The following ST3GAL2 variants were observed in gnomAD, a reference collection of about 807,000 sequenced individuals.
The protein encoded by ST3GAL2 is CMP-N-acetylneuraminate-beta-galactosamide-alpha-2,3-sialyltransferase 2.
Under a neutral mutation model 37.5 loss-of-function variants are expected in ST3GAL2, and 16 were observed. That is an observed-to-expected ratio of 0.43 (90% CI 0.29 to 0.65). The LOEUF (loss-of-function observed/expected upper bound fraction) is 0.65, where lower values mean the gene tolerates loss of function less well. ST3GAL2 is among the 30% of genes least tolerant of loss of function. ST3GAL2 has a pLI of 0.17. For missense variants in ST3GAL2, 383 were observed against 487.8 expected (o/e 0.79, Z 2.02); for synonymous variants, 238 against 202.9 (o/e 1.17, Z -1.47).
intron 3 of ST3GAL2, among the ~76,000 whole-genome samples, chr16:70,390,810 G>A (rs1337427552): frequency 6.6e-6 from 1 of 152,144 alleles, no homozygotes; most frequent in African/African-American, 2.4e-5. Context: ...CCCCTTTTTA[G>A]TATGCATCTT....
chr16:70,407,505 A>T (rs777850050), intron 1 of ST3GAL2, among the ~76,000 whole-genome samples: 1 of 152,170 alleles, frequency 6.6e-6, no homozygotes, highest in Non-Finnish European at 1.5e-5. Context: ...TTATCAATAA[A>T]TGTCCCCTGA....
chr16:70,384,289 A>G (rs2047426411), intron 4 of ST3GAL2, among the ~76,000 whole-genome samples: 1 of 152,256 alleles, frequency 6.6e-6, no homozygotes, highest in South Asian at 2.1e-4. Flanking sequence ...GCCTTTAAAA[A>G]AAACACAGGA....
intron 3 of ST3GAL2, chr16:70,393,641 T>G (rs904355683): frequency 6.6e-6 from 1 of 152,222 alleles, no homozygotes; most frequent in African/African-American, 2.4e-5. Flanking sequence ...GAGAGGCCCC[T>G]CTAAGACCAG....
intron 6 of ST3GAL2, among the ~76,000 whole-genome samples, chr16:70,382,602 A>C (rs1364494625): frequency 1.3e-5 from 2 of 152,104 alleles, no homozygotes; most frequent in African/African-American, 4.8e-5. Flanking sequence ...TTTAATGAAG[A>C]GATTTTGGAT....
At chr16:70,386,255 T>A (rs1021714040) in intron 4 of ST3GAL2, among the ~76,000 whole-genome samples, 2 of 151,908 alleles carry the variant, frequency 1.3e-5, no homozygotes, top group Non-Finnish European at 2.9e-5. Context: ...TGGCGCGATC[T>A]CGGCTCACTG....
At chr16:70,434,438 A>C (rs1040912255) in intron 1 of ST3GAL2, among the ~76,000 whole-genome samples, 1 of 152,122 alleles carries the variant, frequency 6.6e-6, no homozygotes, top group Non-Finnish European at 1.5e-5. Context: ...TCCATCTCAA[A>C]AACAAAAAAA....
At chr16:70,389,233 A>AAAAAAAAT (rs2047465348) in intron 3 of ST3GAL2, among the ~76,000 whole-genome samples, 1 of 141,762 alleles carries the variant, frequency 7.1e-6, no homozygotes, top group Non-Finnish European at 1.5e-5. Flanking sequence ...AAAAAAAAAA[A>AAAAAAAAT]AAAAAAAAAA....
chr16:70,418,983 C>T (rs1242632495), intron 1 of ST3GAL2, among the ~76,000 whole-genome samples: 2 of 152,150 alleles, frequency 1.3e-5, no homozygotes, highest in African/African-American at 2.4e-5. Context: ...AAATGCTCTC[C>T]TAAAGGGCCC....
intron 1 of ST3GAL2, among the ~76,000 whole-genome samples, chr16:70,435,803 A>G (rs892802962): frequency 6.7e-6 from 1 of 149,484 alleles, no homozygotes; most frequent in Non-Finnish European, 1.5e-5. Context: ...TCAAAATAAA[A>G]TAAAATAAAA....
intron 1 of ST3GAL2, among the ~76,000 whole-genome samples, chr16:70,405,282 C>T (rs1312611990): frequency 1.3e-5 from 2 of 152,170 alleles, no homozygotes; most frequent in African/African-American, 4.8e-5. Context: ...TGGCTCACGC[C>T]TGTAATCCCA....
chr16:70,389,495 C>A (rs1442064094), intron 3 of ST3GAL2, among the ~76,000 whole-genome samples: 1 of 151,982 alleles, frequency 6.6e-6, no homozygotes, highest in Non-Finnish European at 1.5e-5. Context: ...TGAGACGGAT[C>A]GCCCTGTCGC....
At chr16:70,408,721 G>A (rs2047611465) in intron 1 of ST3GAL2, among the ~76,000 whole-genome samples, 1 of 151,542 alleles carries the variant, frequency 6.6e-6, no homozygotes, top group South Asian at 2.1e-4. Context: ...ATGCCGCCCA[G>A]AGTTTGTAGC....
intron 1 of ST3GAL2, among the ~76,000 whole-genome samples, chr16:70,408,018 A>T (rs2047604552): frequency 6.6e-6 from 1 of 152,058 alleles, no homozygotes; most frequent in South Asian, 2.1e-4. Context: ...CCACCCACTT[A>T]CACACAGCCT....
intron 3 of ST3GAL2, among the ~76,000 whole-genome samples, chr16:70,393,233 A>G (rs2047493707): frequency 6.6e-6 from 1 of 151,774 alleles, no homozygotes; most frequent in Admixed American, 6.6e-5. Flanking sequence ...ACCCACCACC[A>G]CGCCCAGCTA....
Position 70,381,579 on chromosome 16 carries a change from C to T in ST3GAL2, c.*110G>A. 1 of 1,339,302 alleles carries T rather than the reference C, an allele frequency of 7.5e-7. No individual in the cohort carries two copies. Among genetic ancestry groups the T allele is most frequent in the South Asian group, 1.4e-5 (1 of 70,414 alleles). The allele number at this position is 1,339,302 out of a possible 1,614,324, so 83.0% of individuals were successfully genotyped here. The stretch of plus-strand genomic sequence containing the variant: ...CAGTCTCGTGATTGGCGGGGCACAG[C>T]AGACGCCCCTGGGCTGCAGCATGAT... On this transcript the variant is annotated 3_prime_UTR_variant, in exon 7 of 7. Transcript: ENST00000342907.
intron 1 of ST3GAL2, among the ~76,000 whole-genome samples, chr16:70,419,385 C>G (rs2047698518): frequency 6.6e-6 from 1 of 152,198 alleles, no homozygotes; most frequent in African/African-American, 2.4e-5. Flanking sequence ...AGGTCACAAT[C>G]CAACCACGAG....
At chr16:70,429,588 CAA>C (rs1173306093) in intron 1 of ST3GAL2, among the ~76,000 whole-genome samples, 688 of 36,008 alleles carry the variant, frequency 0.019, 8 homozygotes, top group African/African-American at 0.062. Context: ...GACTCTGTCT[CAA>C]AAAAAAAAAA....
At chr16:70,417,299 ACC>A (rs2047682767) in intron 1 of ST3GAL2, among the ~76,000 whole-genome samples, 1 of 135,338 alleles carries the variant, frequency 7.4e-6, no homozygotes, top group African/African-American at 2.8e-5. Flanking sequence ...CCCCAGCCCC[ACC>A]CCACCTTCCC....
chr16:70,438,464 G>A (rs753284052), intron 1 of ST3GAL2, among the ~76,000 whole-genome samples: 148 of 152,308 alleles, frequency 9.7e-4, no homozygotes, highest in Middle Eastern at 3.4e-3. Context: ...ATGGTTAGGG[G>A]GCAGTGCCAG....
Sources: gnomAD v4.1 joint callset for allele counts (sites outside exome capture counted in the v4.1 genomes callset) on GRCh38, gnomAD v4.1.1 for gene constraint, MANE v1.5 for transcripts, NCBI Gene and HGNC (gene_info 2026-07-23, HGNC 2026-07-21) for gene names.